PPARGC1B: variants seen among roughly 807,000 people sequenced by gnomAD.
PPARGC1B encodes the protein PPARG coactivator 1 beta, also known as peroxisome proliferator-activated receptor gamma coactivator 1-beta.
PPARGC1B carries 34 observed loss-of-function variants against 101.6 expected under a neutral mutation model. The ratio of observed to expected loss-of-function variants is 0.33; its 90% CI spans 0.25 to 0.45. The LOEUF (loss-of-function observed/expected upper bound fraction) is 0.45. Among genes scored for constraint, PPARGC1B ranks in the 20% least tolerant of loss-of-function variants. The pLI is 1.00. For missense variants in PPARGC1B, 1,234 were observed against 1,317.6 expected, an observed-to-expected ratio of 0.94 and a Z score of 0.98; for synonymous variants, 548 against 539.3, an observed-to-expected ratio of 1.02 and a Z score of -0.22.
chr5:149,787,907 C>T (rs1193085416), intron 1 of PPARGC1B, among the ~76,000 whole-genome samples: 1 of 152,168 alleles, frequency 6.6e-6, no homozygotes, highest in Non-Finnish European at 1.5e-5. Flanking sequence ...TTCCTTACAC[C>T]TTATACAAAA....
chr5:149,794,770 A>G (rs1007067419), intron 1 of PPARGC1B, among the ~76,000 whole-genome samples: 4 of 152,266 alleles, frequency 2.6e-5, no homozygotes, highest in African/African-American at 9.6e-5. Flanking sequence ...GTTTAAGGCC[A>G]GCTCTGCACA....
At chr5:149,778,839 A>G (rs1385193106) in intron 1 of PPARGC1B, among the ~76,000 whole-genome samples, 1 of 152,128 alleles carries the variant, frequency 6.6e-6, no homozygotes, top group African/African-American at 2.4e-5. Flanking sequence ...AGTTTTATGG[A>G]GTGTGTGTAG....
At position 149,836,206 on chromosome 5, in the gene PPARGC1B, G is replaced by C. The variant is rs958255262; in HGVS notation, c.1808-57G>C. The C allele has an allele frequency of 7.8e-6, 11 of 1,417,406 alleles. No individual in the cohort carries two copies. The African/African-American group carries it at 1.6e-4, about 20-fold the overall frequency. 87.8% of individuals were successfully genotyped at this position (1,417,406 alleles called of 1,614,324 possible). A position where few individuals can be genotyped will look rare whatever the true frequency, so the allele number is the denominator to read the frequency against. Reference sequence around the variant, plus strand: ...GCTTGGCCCCAAACTTAGGGTCTTAGTGTCCCTTGGAGAAGTGATCTGTCT... The same window carrying C: ...GCTTGGCCCCAAACTTAGGGTCTTACTGTCCCTTGGAGAAGTGATCTGTCT... On this transcript the variant is annotated intron_variant, in intron 7 of 11. Coordinates refer to ENST00000309241, the MANE Select transcript of PPARGC1B (RefSeq NM_133263.4).
At chr5:149,765,672 CA>C (rs1755882400) in intron 1 of PPARGC1B, among the ~76,000 whole-genome samples, 1 of 152,070 alleles carries the variant, frequency 6.6e-6, no homozygotes, top group Non-Finnish European at 1.5e-5. Context: ...TCCTGGCCAA[CA>C]CGGGGAAACT....
At chr5:149,743,309 C>G (rs768603855) in intron 1 of PPARGC1B, among the ~76,000 whole-genome samples, 12 of 151,992 alleles carry the variant, frequency 7.9e-5, no homozygotes, top group Non-Finnish European at 1.2e-4. Context: ...ACGCCCACCA[C>G]CACGCCTGGC....
intron 1 of PPARGC1B, among the ~76,000 whole-genome samples, chr5:149,808,581 T>C (rs1260602495): frequency 2.0e-5 from 3 of 152,156 alleles, no homozygotes; most frequent in African/African-American, 7.2e-5. Flanking sequence ...CTCAGCGTTT[T>C]TGCCCCCCAC....
intron 7 of PPARGC1B, 104 bp from the exon 8 acceptor site, chr5:149,836,159 G>A: frequency 1.0e-6 from 1 of 989,262 alleles, no homozygotes; most frequent in Non-Finnish European, 1.5e-6. Context: ...AAAATGTTGG[G>A]ATTATAGGTG....
intron 1 of PPARGC1B, among the ~76,000 whole-genome samples, chr5:149,767,275 C>G (rs901720479): frequency 1.1e-4 from 16 of 152,152 alleles, no homozygotes; most frequent in Admixed American, 9.8e-4. Flanking sequence ...CACATGCATG[C>G]TTGTGCCTCC....
chr5:149,756,853 C>T (rs1755540906), intron 1 of PPARGC1B, among the ~76,000 whole-genome samples: 1 of 152,032 alleles, frequency 6.6e-6, no homozygotes, highest in Non-Finnish European at 1.5e-5. Flanking sequence ...GTGTCTTGTT[C>T]ACTGTCCACC....
At chr5:149,831,519 C>G (rs1486172840) in intron 4 of PPARGC1B, among the ~76,000 whole-genome samples, 1 of 152,186 alleles carries the variant, frequency 6.6e-6, no homozygotes, top group African/African-American at 2.4e-5. Flanking sequence ...GGAGCCTCTC[C>G]CTTGCTGGGG....
At chr5:149,788,325 A>G (rs1217635423) in intron 1 of PPARGC1B, among the ~76,000 whole-genome samples, 1 of 152,260 alleles carries the variant, frequency 6.6e-6, no homozygotes, top group Non-Finnish European at 1.5e-5. Flanking sequence ...ACATGAAAAA[A>G]TGCTCATCAT....
rs987128850 is a variant in PPARGC1B, at chr5:149,850,123, C to T, written c.*2565C>T. On this transcript the variant is annotated 3_prime_UTR_variant, in exon 12 of 12. Transcript: ENST00000309241. ...AATTTCCTTTGTAACTTTGGTAAGT[C>T]CCTTTTACTCCCTGGCACCCCGGTG... is the stretch of plus-strand genomic sequence containing the variant. 2 of 152,172 alleles carry T rather than the reference C, an allele frequency of 1.3e-5. No homozygotes were observed. The highest frequency in any genetic ancestry group is 4.8e-5 in the African/African-American group (2 of 41,432). 9.4% of individuals were successfully genotyped at this position (152,172 alleles called of 1,614,324 possible).
intron 1 of PPARGC1B, among the ~76,000 whole-genome samples, chr5:149,731,869 G>A (rs1754488426): frequency 6.6e-6 from 1 of 152,120 alleles, no homozygotes; most frequent in Non-Finnish European, 1.5e-5. Flanking sequence ...CCGCCACGCG[G>A]GAGGCAGGCC....
chr5:149,768,020 G>A (rs1233826709), intron 1 of PPARGC1B, among the ~76,000 whole-genome samples: 1 of 151,850 alleles, frequency 6.6e-6, no homozygotes, highest in Non-Finnish European at 1.5e-5. Flanking sequence ...CCATCTGGGG[G>A]TGATGGGAGA....
intron 1 of PPARGC1B, among the ~76,000 whole-genome samples, chr5:149,734,321 CAAAA>C (rs1221455764): frequency 1.6e-5 from 1 of 64,510 alleles, no homozygotes; most frequent in African/African-American, 6.4e-5. Flanking sequence ...AACTCATTCT[CAAAA>C]AAAAAAAAAA....
chr5:149,836,912 C>A lies in PPARGC1B; in HGVS notation c.2457C>A (p.Asp819Glu). 6.2e-7 allele frequency: 1 copy of A among 1,613,482 alleles called. No homozygotes were observed. Among genetic ancestry groups the A allele is most frequent in the Non-Finnish European group, 8.5e-7 (1 of 1,179,952 alleles). The change falls in exon 8 of 12, where the codon GAC becomes GAA. Residue 819 changes from aspartate to glutamate, a missense_variant. Asp to Glu is a conservative substitution (Grantham distance 45, BLOSUM62 2). Transcript: ENST00000309241. ...EEEEGEEEEE[D>E]DEEEDSGVSP... ...AAGAAGGGGAGGAGGAGGAGGAGGA[C>A]GATGAAGAAGAGGACTCAGGGGTCA...
intron 7 of PPARGC1B, among the ~76,000 whole-genome samples, chr5:149,835,963 T>C (rs1461015610): frequency 6.0e-5 from 9 of 150,726 alleles, no homozygotes; most frequent in Admixed American, 4.6e-4. Context: ...TTTTTCTTTT[T>C]TTTTTTTTTT....
intron 9 of PPARGC1B, among the ~76,000 whole-genome samples, chr5:149,841,981 T>A (rs897840906): frequency 6.6e-6 from 1 of 152,210 alleles, no homozygotes; most frequent in African/African-American, 2.4e-5. Flanking sequence ...TCAATGGTGA[T>A]AAATCCCTCC....
At position 149,837,103 on chromosome 5, in the gene PPARGC1B, C is replaced by G; in HGVS notation, c.2618+30C>G. The G allele has an allele frequency of 6.4e-7, 1 of 1,562,308 alleles. No homozygotes were observed. Among genetic ancestry groups the G allele is most frequent in the Non-Finnish European group, 8.7e-7 (1 of 1,152,626 alleles). ...GAACAGGGGGCTGCAGGAGAGGCAG[C>G]GGGCAGTGGAGGATCCCAGTTCCCG... On this transcript the variant is annotated intron_variant, in intron 8 of 11. Transcript: ENST00000309241. The surrounding 1 kb of genome is among the most constrained non-coding windows in gnomAD (Gnocchi z 4.2).
Sources: allele counts gnomAD v4.1 joint callset (sites outside exome capture counted in the v4.1 genomes callset), GRCh38; gene constraint gnomAD v4.1.1; non-coding constraint Gnocchi (gnomAD v3.1); transcripts MANE v1.5; gene names NCBI Gene and HGNC (gene_info 2026-07-23, HGNC 2026-07-21).